STAB2: variants seen among roughly 807,000 people sequenced by gnomAD.
The protein encoded by STAB2 is stabilin 2.
A neutral mutation model predicts 338.1 loss-of-function variants in STAB2; 288 were observed. The observed-to-expected ratio is 0.85, with a 90% CI of 0.77 to 0.94. The LOEUF is 0.94. Among genes scored for constraint, STAB2 ranks in the 40% least tolerant of loss-of-function variants. The pLI, the probability that STAB2 is intolerant of heterozygous loss-of-function variation, is 0.00. For missense variants in STAB2, 3,141 were observed against 3,210.1 expected (o/e 0.98, Z 0.52); for synonymous variants, 1,202 against 1,193.3 (o/e 1.01, Z -0.15).
intron 20 of STAB2, chr12:103,669,307 C>T: frequency 4.3e-6 from 2 of 465,536 alleles, no homozygotes; most frequent in East Asian, 6.8e-5. Context: ...GAGCCTTCCT[C>T]TGTCTGTTCG....
chr12:103,659,640 C>T (rs898855195), intron 15 of STAB2, among the ~76,000 whole-genome samples: 4 of 152,172 alleles, frequency 2.6e-5, no homozygotes, highest in African/African-American at 9.7e-5. Context: ...CTGTGTTCCT[C>T]AACTCTGCAG....
At position 103,670,750 on chromosome 12, in the gene STAB2, G is replaced by A. The variant is rs779300118; in HGVS notation, c.2314G>A (p.Gly772Ser). Residue 772 changes from glycine to serine, a missense_variant, in exon 22 of 69, where the codon GGC becomes AGC. Gly to Ser is a moderately conservative substitution (Grantham distance 56, BLOSUM62 0). Transcript: ENST00000388887. ...GTCICEEGFQ[G>S]SQCQFCSDPN... ...ATGCATTTGTGAGGAGGGCTTCCAA[G>A]GCTCCCAGTGTCAGTTCTGCTCTGA... 1.4e-4 allele frequency: 227 copies of A among 1,614,164 alleles called. No homozygotes were observed. Among genetic ancestry groups the A allele is most frequent in the Middle Eastern group, 8.2e-4 (5 of 6,062 alleles).
intron 63 of STAB2, among the ~76,000 whole-genome samples, chr12:103,756,996 AATATATATATATATAT>A (rs869105400): frequency 1.1e-4 from 6 of 56,382 alleles, no homozygotes; most frequent in African/African-American, 4.1e-4. Flanking sequence ...AAGGAGGGAA[AATATATATATATATAT>A]ATATATATAT....
intron 55 of STAB2, among the ~76,000 whole-genome samples, chr12:103,741,721 C>T (rs1208997478): frequency 2.0e-5 from 3 of 152,250 alleles, no homozygotes; most frequent in Non-Finnish European, 4.4e-5. Flanking sequence ...TCCCAAAGTG[C>T]TAGGATTACA....
At chr12:103,643,678 A>G (rs944498762) in intron 9 of STAB2, among the ~76,000 whole-genome samples, 1 of 152,054 alleles carries the variant, frequency 6.6e-6, no homozygotes, top group African/African-American at 2.4e-5. Flanking sequence ...TCTGTGCTTC[A>G]GTTTCCTTAT....
chr12:103,733,364 C>T (rs1881796020), intron 51 of STAB2, among the ~76,000 whole-genome samples, 182 bp downstream of exon 51: 1 of 152,134 alleles, frequency 6.6e-6, no homozygotes, highest in Non-Finnish European at 1.5e-5. Context: ...TTGGCTCCTG[C>T]AGTATACCAC....
rs138945915 is a variant in STAB2, at chr12:103,732,625, G to A, written c.5284-381G>A. On this transcript the variant is annotated intron_variant, in intron 50 of 68. Coordinates refer to ENST00000388887, the MANE Select transcript of STAB2 (RefSeq NM_017564.10). ...GTTTGAGACCAGCCTGGGCAACATG[G>A]CGAAACCCCATCTCTACAAAAATAC... is the stretch of plus-strand genomic sequence containing the variant. 6.8e-3 allele frequency among the ~76,000 whole-genome samples: 1,032 copies of A among 152,200 alleles called. 12 individuals are homozygous for A. The highest frequency in any genetic ancestry group is 0.023 in the African/African-American group (957 of 41,516).
chr12:103,705,474 G>A (rs1879262177), intron 36 of STAB2, among the ~76,000 whole-genome samples, 158 bp from the exon 37 acceptor site: 1 of 152,232 alleles, frequency 6.6e-6, no homozygotes, highest in African/African-American at 2.4e-5. Context: ...GTGTTTTCAT[G>A]TTTTCTTGCT....
intron 36 of STAB2, among the ~76,000 whole-genome samples, chr12:103,705,217 T>C (rs954181578): frequency 1.5e-4 from 23 of 152,228 alleles, no homozygotes; most frequent in Non-Finnish European, 8.8e-5. Context: ...GAGGTTTAAT[T>C]TAATCTTGTA....
intron 1 of STAB2, among the ~76,000 whole-genome samples, chr12:103,590,362 CA>C (rs1956776813): frequency 6.6e-6 from 1 of 152,168 alleles, no homozygotes; most frequent in African/African-American, 2.4e-5. Flanking sequence ...GCCTACTTTT[CA>C]GTTGGATTGT....
intron 12 of STAB2, among the ~76,000 whole-genome samples, chr12:103,654,255 A>G (rs1358221811): frequency 6.6e-6 from 1 of 152,242 alleles, no homozygotes; most frequent in Non-Finnish European, 1.5e-5. Context: ...TAGTAAATTA[A>G]ATAGTTTTGT....
At chr12:103,749,708 C>T (rs1209403393) in intron 59 of STAB2, among the ~76,000 whole-genome samples, 23 of 150,320 alleles carry the variant, frequency 1.5e-4, no homozygotes, top group South Asian at 4.2e-4. Context: ...GGCATGGTGG[C>T]GGGCACCTGT....
At chr12:103,725,609 T>C (rs1881126915) in intron 45 of STAB2, among the ~76,000 whole-genome samples, 1 of 151,600 alleles carries the variant, frequency 6.6e-6, no homozygotes, top group Non-Finnish European at 1.5e-5. Flanking sequence ...TGTACGTGTG[T>C]GTGCTTGTGT....
At chr12:103,714,087 T>C (rs1306534841) in intron 42 of STAB2, among the ~76,000 whole-genome samples, 1 of 152,244 alleles carries the variant, frequency 6.6e-6, no homozygotes, top group Non-Finnish European at 1.5e-5. Flanking sequence ...GCACATGTAC[T>C]GGAGAAAATA....
chr12:103,631,527 A>T (rs1233487113), intron 5 of STAB2, 71 bp from the exon 6 acceptor site: 1 of 1,461,908 alleles, frequency 6.8e-7, no homozygotes, highest in African/African-American at 1.4e-5. Context: ...TGATCTAAAA[A>T]CACTAGCTTT....
intron 3 of STAB2, among the ~76,000 whole-genome samples, chr12:103,602,675 T>C (rs1956970751): frequency 6.6e-6 from 1 of 152,252 alleles, no homozygotes; most frequent in African/African-American, 2.4e-5. Context: ...GGATGTGTAG[T>C]GGACTTGCAT....
At chr12:103,727,693 T>A (rs1161753045) in intron 47 of STAB2, among the ~76,000 whole-genome samples, 1 of 152,170 alleles carries the variant, frequency 6.6e-6, no homozygotes, top group Non-Finnish European at 1.5e-5. Context: ...TTAAATAGAT[T>A]CTTTTCTTGC....
chr12:103,750,048 A>G (rs114589570), intron 59 of STAB2, among the ~76,000 whole-genome samples: 9,614 of 152,108 alleles, frequency 0.063, 996 homozygotes, highest in African/African-American at 0.22. Context: ...TCATTTGTAA[A>G]GTGGGCCTCA....
At chr12:103,744,865 C>T (rs1257617778) in intron 56 of STAB2, among the ~76,000 whole-genome samples, 2 of 152,192 alleles carry the variant, frequency 1.3e-5, no homozygotes, top group African/African-American at 2.4e-5. Flanking sequence ...ATACTCTCTA[C>T]TGTGATTATA....
Sources: gnomAD v4.1 joint callset for allele counts (sites outside exome capture counted in the v4.1 genomes callset) on GRCh38, gnomAD v4.1.1 for gene constraint, MANE v1.5 for transcripts, NCBI Gene and HGNC (gene_info 2026-07-23, HGNC 2026-07-21) for gene names.